The following TNFAIP8 variants were observed in gnomAD, a reference collection of about 807,000 sequenced individuals.
TNFAIP8 encodes TNF alpha induced protein 8.
TNFAIP8 carries 7 observed loss-of-function variants against 13.3 expected under a neutral mutation model. The ratio of observed to expected loss-of-function variants is 0.52; its 90% CI spans 0.30 to 0.99. The LOEUF (loss-of-function observed/expected upper bound fraction) is 0.99. TNFAIP8 is among the 50% of genes least tolerant of loss of function. The pLI, the probability that TNFAIP8 is intolerant of heterozygous loss-of-function variation, is 0.07. For missense variants in TNFAIP8, 258 were observed against 236.9 expected (o/e 1.09, Z -0.58); for synonymous variants, 94 against 87.6 (o/e 1.07, Z -0.41).
chr5:119,335,569 A>G (rs553618468), intron 1 of TNFAIP8, among the ~76,000 whole-genome samples: 1 of 152,216 alleles, frequency 6.6e-6, no homozygotes, highest in East Asian at 1.9e-4. Context: ...CCCTCTGACC[A>G]TAAGCACCAC....
chr5:119,334,897 G>A (rs542246218), intron 1 of TNFAIP8, among the ~76,000 whole-genome samples: 1 of 152,216 alleles, frequency 6.6e-6, no homozygotes, highest in South Asian at 2.1e-4. Context: ...CAAAGGGAGG[G>A]TAGGTAGCGT....
intron 1 of TNFAIP8, among the ~76,000 whole-genome samples, chr5:119,289,998 C>G (rs1748931898): frequency 6.6e-6 from 1 of 152,228 alleles, no homozygotes; most frequent in Non-Finnish European, 1.5e-5. Flanking sequence ...ATTCTCTCAT[C>G]ATTCAGTCAA....
chr5:119,348,968 T>A (rs1369881238), intron 1 of TNFAIP8, among the ~76,000 whole-genome samples: 3 of 151,974 alleles, frequency 2.0e-5, no homozygotes, highest in East Asian at 1.9e-4. Context: ...TTTTGATACC[T>A]TTTTCCTTCT....
chr5:119,307,101 C>G (rs1323267584), intron 1 of TNFAIP8, among the ~76,000 whole-genome samples: 1 of 152,074 alleles, frequency 6.6e-6, no homozygotes, highest in Non-Finnish European at 1.5e-5. Context: ...TGGGACTCGC[C>G]TTTTTTCCAC....
At chr5:119,355,167 C>T (rs1751336866), upstream of TNFAIP8, 2 of 640,028 alleles carry the variant, frequency 3.1e-6, no homozygotes, top group Admixed American at 2.3e-5. Context: ...TGTCCGGCTT[C>T]TTTATTCTAT....
At chr5:119,379,733 A>G (rs111546260) in intron 1 of TNFAIP8, among the ~76,000 whole-genome samples, 2,034 of 152,166 alleles carry the variant, frequency 0.013, 48 homozygotes, top group African/African-American at 0.046. Flanking sequence ...TGGGACCATA[A>G]GCATACACCA....
chr5:119,360,522 C>G (rs955947078), intron 1 of TNFAIP8, among the ~76,000 whole-genome samples: 2 of 152,212 alleles, frequency 1.3e-5, no homozygotes, highest in Middle Eastern at 3.2e-3. Context: ...AAGTGCCCTT[C>G]TCCCACCAAA....
intron 1 of TNFAIP8, among the ~76,000 whole-genome samples, chr5:119,347,310 G>A (rs1750938446): frequency 6.6e-6 from 1 of 152,142 alleles, no homozygotes; most frequent in African/African-American, 2.4e-5. Flanking sequence ...TACCCATTTA[G>A]ATCATTTCTT....
chr5:119,381,921 CA>C (rs932622732), intron 1 of TNFAIP8, among the ~76,000 whole-genome samples: 1 of 150,570 alleles, frequency 6.6e-6, no homozygotes, highest in East Asian at 1.9e-4. Flanking sequence ...GACTCCGTCT[CA>C]AAAAAAATAA....
chr5:119,323,046 T>C (rs1467467259), intron 1 of TNFAIP8, among the ~76,000 whole-genome samples: 1 of 152,202 alleles, frequency 6.6e-6, no homozygotes, highest in Non-Finnish European at 1.5e-5. Context: ...GTTGTCAGTA[T>C]AGTCAGTTCT....
intron 1 of TNFAIP8, among the ~76,000 whole-genome samples, chr5:119,374,527 C>T (rs1450041427): frequency 6.6e-6 from 1 of 152,198 alleles, no homozygotes; most frequent in Non-Finnish European, 1.5e-5. Flanking sequence ...AAGAAGTTGG[C>T]AGAAGCCCAG....
chr5:119,284,539 G>A (rs531540831), intron 1 of TNFAIP8, among the ~76,000 whole-genome samples: 1 of 152,118 alleles, frequency 6.6e-6, no homozygotes, highest in Admixed American at 6.5e-5. Context: ...AAATTAGCCC[G>A]GCATGGTGGT....
chr5:119,295,202 TATA>T, intron 1 of TNFAIP8, among the ~76,000 whole-genome samples: 1 of 26,446 alleles, frequency 3.8e-5, no homozygotes, highest in African/African-American at 5.1e-4. Flanking sequence ...ACGTTAGACC[TATA>T]GGTCTAACGT....
chr5:119,364,597 C>T (rs942929988), intron 1 of TNFAIP8, among the ~76,000 whole-genome samples: 3 of 152,164 alleles, frequency 2.0e-5, no homozygotes, highest in East Asian at 1.9e-4. Context: ...GTCCTCCCAC[C>T]TTGGCCTACC....
At chr5:119,343,973 C>CTT (rs1562009302) in intron 1 of TNFAIP8, among the ~76,000 whole-genome samples, 1 of 152,208 alleles carries the variant, frequency 6.6e-6, no homozygotes, top group African/African-American at 2.4e-5. Context: ...CCACTCATAT[C>CTT]TATGTGTGTG....
intron 1 of TNFAIP8, among the ~76,000 whole-genome samples, chr5:119,356,909 G>A (rs1054962115): frequency 1.3e-5 from 2 of 152,104 alleles, no homozygotes; most frequent in African/African-American, 4.8e-5. Context: ...TAAGTGGGGG[G>A]TGGGAGTAAG....
chr5:119,294,726 T>C (rs980932988), intron 1 of TNFAIP8, among the ~76,000 whole-genome samples: 5 of 152,130 alleles, frequency 3.3e-5, no homozygotes, highest in South Asian at 2.1e-4. Flanking sequence ...TTTTAATGAT[T>C]GCCATTCTAA....
At chr5:119,362,163 C>G (rs912289782) in intron 1 of TNFAIP8, among the ~76,000 whole-genome samples, 1 of 152,132 alleles carries the variant, frequency 6.6e-6, no homozygotes, top group African/African-American at 2.4e-5. Context: ...GAAGTGACTT[C>G]AAAGAGGGGT....
intron 1 of TNFAIP8, among the ~76,000 whole-genome samples, chr5:119,270,879 G>A (rs1344530070): frequency 6.6e-6 from 1 of 152,180 alleles, no homozygotes; most frequent in African/African-American, 2.4e-5. Flanking sequence ...CAAAAGCATA[G>A]TGATCCTGCA....
Sources: allele counts gnomAD v4.1 joint callset (sites outside exome capture counted in the v4.1 genomes callset), GRCh38; gene constraint gnomAD v4.1.1; transcripts MANE v1.5; gene names NCBI Gene and HGNC (gene_info 2026-07-23, HGNC 2026-07-21).